TENM3: variants seen among roughly 807,000 people sequenced by gnomAD.
The protein encoded by TENM3 is teneurin transmembrane protein 3.
A neutral mutation model predicts 255.1 loss-of-function variants in TENM3; 63 were observed. The observed-to-expected ratio is 0.25, with a 90% confidence interval of 0.20 to 0.30. The LOEUF is 0.30. Ranked by LOEUF, TENM3 falls within the 10% of genes least tolerant of loss-of-function variation. TENM3 has a pLI of 1.00. For synonymous variants in TENM3, 1,306 were observed against 1,322.3 expected (o/e 0.99, Z 0.27); for missense variants, 2,929 against 3,461.1 (o/e 0.85, Z 3.86).
At chr4:182,657,953 G>T (rs896769412) in intron 6 of TENM3, among the ~76,000 whole-genome samples, 32 of 152,188 alleles carry the variant, frequency 2.1e-4, no homozygotes, top group Admixed American at 1.9e-3. Context: ...ACCTCGCCCG[G>T]TGCTTCCAGC....
intron 24 of TENM3, among the ~76,000 whole-genome samples, chr4:182,784,778 C>G (rs964000416): frequency 6.6e-6 from 1 of 152,128 alleles, no homozygotes; most frequent in Non-Finnish European, 1.5e-5. Context: ...TTAAGCCCGT[C>G]GGAAAAGCGC....
At chr4:181,695,583 T>C in the TENM3 span, among the ~76,000 whole-genome samples, 1 of 152,138 alleles carries the variant, frequency 6.6e-6, no homozygotes, top group African/African-American at 2.4e-5. Flanking sequence ...TGTGGTTGAG[T>C]GTGAATTATC....
the TENM3 span, among the ~76,000 whole-genome samples, chr4:181,741,072 A>G: frequency 2.0e-5 from 3 of 152,234 alleles, no homozygotes; most frequent in African/African-American, 4.8e-5. Flanking sequence ...CTGTCTTTCT[A>G]TGACTGAAAT....
chr4:181,547,207 ATAAT>A, the TENM3 span, among the ~76,000 whole-genome samples: 1 of 152,234 alleles, frequency 6.6e-6, no homozygotes, highest in Non-Finnish European at 1.5e-5. Context: ...CAAAGTAACC[ATAAT>A]TAATATCTTC....
At chr4:182,542,579 T>C (rs998481871) in intron 3 of TENM3, among the ~76,000 whole-genome samples, 1 of 152,126 alleles carries the variant, frequency 6.6e-6, no homozygotes, top group African/African-American at 2.4e-5. Flanking sequence ...CACAATTCTT[T>C]GGGAGCCTTG....
At chr4:182,192,091 G>A (rs1753560009) in intron 1 of TENM3, among the ~76,000 whole-genome samples, 3 of 152,100 alleles carry the variant, frequency 2.0e-5, no homozygotes, top group African/African-American at 4.8e-5. Context: ...AATATTTCAT[G>A]ATACGGGAAA....
the TENM3 span, among the ~76,000 whole-genome samples, chr4:181,485,488 T>TAAA: frequency 2.0e-5 from 3 of 147,268 alleles, no homozygotes; most frequent in Admixed American, 1.3e-4. Flanking sequence ...AAGATTTTTT[T>TAAA]TAAAAAAAAG....
At chr4:181,841,063 A>T in the TENM3 span, among the ~76,000 whole-genome samples, 1 of 152,086 alleles carries the variant, frequency 6.6e-6, no homozygotes, top group South Asian at 2.1e-4. Context: ...TCTCCTCTGA[A>T]TTTGGAGAAC....
At chr4:181,953,448 A>G in the TENM3 span, among the ~76,000 whole-genome samples, 1 of 152,142 alleles carries the variant, frequency 6.6e-6, no homozygotes, top group African/African-American at 2.4e-5. Flanking sequence ...CACTACCATC[A>G]TATGTTAATC....
chr4:181,979,861 G>C, the TENM3 span, among the ~76,000 whole-genome samples: 37,856 of 152,026 alleles, frequency 0.25, 4,876 homozygotes, highest in Non-Finnish European at 0.28. Flanking sequence ...TTTTAAGTTT[G>C]TTTGTTTGTT....
At chr4:181,781,163 T>C in the TENM3 span, among the ~76,000 whole-genome samples, 3 of 152,202 alleles carry the variant, frequency 2.0e-5, no homozygotes, top group African/African-American at 7.2e-5. Flanking sequence ...GTAAAGAAAG[T>C]CATTGGTAGC....
intron 24 of TENM3, among the ~76,000 whole-genome samples, chr4:182,778,996 TAG>T (rs1764923519): frequency 2.0e-5 from 3 of 151,560 alleles, no homozygotes; most frequent in African/African-American, 7.3e-5. Context: ...AGTTTTATTT[TAG>T]AGACAGATTT....
At chr4:182,170,994 G>C (rs1358591759) in intron 1 of TENM3, among the ~76,000 whole-genome samples, 2 of 152,056 alleles carry the variant, frequency 1.3e-5, no homozygotes, top group Non-Finnish European at 2.9e-5. Flanking sequence ...TCCCATAACA[G>C]CTATTGTAGA....
At chr4:181,771,184 T>C in the TENM3 span, among the ~76,000 whole-genome samples, 1 of 152,138 alleles carries the variant, frequency 6.6e-6, no homozygotes, top group African/African-American at 2.4e-5. Context: ...TGCCTTTAAA[T>C]ATGTGAAGAA....
chr4:181,887,380 T>G, the TENM3 span, among the ~76,000 whole-genome samples: 1 of 152,214 alleles, frequency 6.6e-6, no homozygotes, highest in African/African-American at 2.4e-5. Flanking sequence ...ACATTAGATT[T>G]CTAATGACTA....
the TENM3 span, among the ~76,000 whole-genome samples, chr4:182,054,946 G>A: frequency 2.0e-5 from 3 of 152,112 alleles, no homozygotes; most frequent in Admixed American, 6.5e-5. Flanking sequence ...ACCAGAGCTC[G>A]GAGGTAGGAG....
chr4:182,720,551 A>G (rs1759635102), intron 13 of TENM3, among the ~76,000 whole-genome samples: 1 of 152,168 alleles, frequency 6.6e-6, no homozygotes, highest in Non-Finnish European at 1.5e-5. Context: ...AAGGAGATTC[A>G]GGTTACTCTG....
chr4:181,891,223 A>G, the TENM3 span, among the ~76,000 whole-genome samples: 5 of 152,244 alleles, frequency 3.3e-5, no homozygotes, highest in African/African-American at 9.6e-5. Context: ...GCTAAATTCC[A>G]ATAAGAAACA....
the TENM3 span, among the ~76,000 whole-genome samples, chr4:181,568,469 C>T: frequency 0.071 from 10,783 of 152,044 alleles, 439 homozygotes; most frequent in South Asian, 0.11. Flanking sequence ...GGATTACAGG[C>T]GTGAGCCACT....
Sources: allele counts gnomAD v4.1 joint callset (sites outside exome capture counted in the v4.1 genomes callset), GRCh38; gene constraint gnomAD v4.1.1; transcripts MANE v1.5; gene names NCBI Gene and HGNC (gene_info 2026-07-23, HGNC 2026-07-21).